Variants in FHAD1 observed in about 807,000 individuals in gnomAD.
The protein encoded by FHAD1 is forkhead-associated domain-containing protein 1.
Under a neutral mutation model 191.3 loss-of-function variants are expected in FHAD1, and 146 were observed. The ratio of observed to expected loss-of-function variants is 0.76; its 90% CI spans 0.67 to 0.88. The LOEUF (loss-of-function observed/expected upper bound fraction) is 0.88. Ranked by LOEUF, FHAD1 falls within the 40% of genes least tolerant of loss-of-function variation. The probability of loss-of-function intolerance (pLI) is 0.00; values close to 1 mark genes in which losing one functional copy is unlikely to be tolerated. For missense variants in FHAD1, 1,635 were observed against 1,785.8 expected, an observed-to-expected ratio of 0.92 and a Z score of 1.52; for synonymous variants, 616 against 672.3, an observed-to-expected ratio of 0.92 and a Z score of 1.29.
At chr1:15,361,831 C>T (rs879855517) in intron 22 of FHAD1, among the ~76,000 whole-genome samples, 3 of 152,010 alleles carry the variant, frequency 2.0e-5, no homozygotes, top group Non-Finnish European at 4.4e-5. Flanking sequence ...ATGGTGAAAC[C>T]CCGTCTCTAC....
intron 3 of FHAD1, among the ~76,000 whole-genome samples, chr1:15,277,402 G>A (rs1041804081): frequency 6.6e-6 from 1 of 152,120 alleles, no homozygotes; most frequent in Non-Finnish European, 1.5e-5. Context: ...AACTTTTGCC[G>A]GGCAGGAACA....
intron 6 of FHAD1, among the ~76,000 whole-genome samples, chr1:15,307,353 T>C (rs1368908430): frequency 6.6e-6 from 1 of 152,180 alleles, no homozygotes; most frequent in East Asian, 1.9e-4. Flanking sequence ...GATGAGACTT[T>C]GACTTTTGGG....
intron 8 of FHAD1, among the ~76,000 whole-genome samples, chr1:15,315,435 CTG>C (rs1269015365): frequency 6.6e-6 from 1 of 150,646 alleles, no homozygotes; most frequent in East Asian, 1.9e-4. Context: ...ATTCTCTTGT[CTG>C]TGCACAATGG....
Position 15,381,375 on chromosome 1 carries a change from A to T in FHAD1, c.3946A>T (p.Ile1316Phe). 6 of 1,551,786 alleles carry T rather than the reference A, an allele frequency of 3.9e-6. No individual in the cohort carries two copies. The highest frequency in any genetic ancestry group is 2.4e-5 in the East Asian group (1 of 40,916). ...QRDLDLVFDK[I>F]TQLKNQLGRK... is the part of the protein sequence containing the mutation. The stretch of plus-strand genomic sequence containing the variant: ...GGACCTCGACCTGGTGTTTGATAAG[A>T]TCACCCAACTCAAGAACCAGCTGGG... The change falls in exon 30 of 34, where the codon ATC becomes TTC. Residue 1316 changes from isoleucine (I) to phenylalanine (F), a missense_variant. By Grantham distance (21) the Ile-to-Phe change is conservative. Coordinates refer to ENST00000688493, the MANE Select transcript of FHAD1 (RefSeq NM_001391957.1). The surrounding 1 kb of genome is among the most constrained non-coding windows in gnomAD (Gnocchi z 4.6).
chr1:15,251,073 T>G (rs1646711616), intron 1 of FHAD1, among the ~76,000 whole-genome samples: 1 of 151,928 alleles, frequency 6.6e-6, no homozygotes, highest in African/African-American at 2.4e-5. Context: ...GGAGGATTAC[T>G]TGAGCTCAAG....
rs376482198 is a variant in FHAD1 at position 15,358,164 on chromosome 1, G to A, written c.2617G>A (p.Ala873Thr). 10 of 1,529,778 alleles carry A rather than the reference G, an allele frequency of 6.5e-6. No individual in the cohort carries two copies. The highest frequency in any genetic ancestry group is 3.8e-5 in the South Asian group (3 of 79,062). 94.8% of individuals were successfully genotyped at this position (1,529,778 alleles called of 1,614,324 possible). A position where few individuals can be genotyped will look rare whatever the true frequency, so the allele number is the denominator to read the frequency against. Residue 873 changes from alanine (A) to threonine (T), a missense_variant, in exon 21 of 34, where the codon GCA (alanine) becomes ACA (threonine). By Grantham distance (58) the Ala-to-Thr change is moderately conservative (BLOSUM62 0). Coordinates refer to ENST00000688493, the MANE Select transcript of FHAD1 (RefSeq NM_001391957.1). ...EDVLNNKLSD[A>T]LAMVEETQKT... ...CGTTTTAAATAATAAATTAAGTGAC[G>A]CACTGGCCATGGTTGAAGAGACTCA...
At chr1:15,260,811 C>A (rs748099148) in intron 2 of FHAD1, among the ~76,000 whole-genome samples, 4 of 152,214 alleles carry the variant, frequency 2.6e-5, no homozygotes, top group Non-Finnish European at 5.9e-5. Flanking sequence ...GTTAGATTAG[C>A]CCCCTCTGGA....
intron 10 of FHAD1, among the ~76,000 whole-genome samples, chr1:15,323,960 G>A (rs1677281366): frequency 2.0e-5 from 3 of 152,186 alleles, no homozygotes; most frequent in East Asian, 1.9e-4. Flanking sequence ...CACGATGGGC[G>A]GCAGTTCCTT....
chr1:15,310,994 A>C (rs1243232593), intron 7 of FHAD1, among the ~76,000 whole-genome samples: 1 of 152,170 alleles, frequency 6.6e-6, no homozygotes, highest in Non-Finnish European at 1.5e-5. Flanking sequence ...AAACAAACAG[A>C]AAAAAATGTC....
chr1:15,401,986 G>T (rs899209219), downstream of FHAD1, among the ~76,000 whole-genome samples: 2 of 152,232 alleles, frequency 1.3e-5, no homozygotes, highest in African/African-American at 4.8e-5. Context: ...CCTCCGTCCA[G>T]TTGGGGGAAG....
intron 2 of FHAD1, among the ~76,000 whole-genome samples, chr1:15,252,357 A>G (rs1379048150): frequency 6.6e-6 from 1 of 152,230 alleles, no homozygotes; most frequent in African/African-American, 2.4e-5. Flanking sequence ...TTTTAACTGC[A>G]TGCAGATTAA....
chr1:15,372,640 T>C (rs907904367), intron 26 of FHAD1, among the ~76,000 whole-genome samples: 1 of 152,232 alleles, frequency 6.6e-6, no homozygotes, highest in African/African-American at 2.4e-5. Flanking sequence ...AAAATAATTT[T>C]GGTTCACTTC....
chr1:15,345,967 C>T (rs189552457), intron 18 of FHAD1, among the ~76,000 whole-genome samples: 52 of 152,252 alleles, frequency 3.4e-4, no homozygotes, highest in African/African-American at 1.1e-3. Flanking sequence ...TGCCTCAGGC[C>T]GACAGAAAGT....
intron 3 of FHAD1, among the ~76,000 whole-genome samples, chr1:15,286,892 C>A (rs559605090): frequency 7.9e-5 from 12 of 152,316 alleles, no homozygotes; most frequent in African/African-American, 2.9e-4. Context: ...TACTGAATGT[C>A]CTAGCATGAA....
At chr1:15,395,234 AACCCGGGAGGC>A (rs1705530414) in intron 33 of FHAD1, among the ~76,000 whole-genome samples, 1 of 151,286 alleles carries the variant, frequency 6.6e-6, no homozygotes, top group Non-Finnish European at 1.5e-5. Flanking sequence ...GAATGGCGTG[AACCCGGGAGGC>A]GGAGGTGAGC....
intron 1 of FHAD1, among the ~76,000 whole-genome samples, chr1:15,249,540 A>C (rs1646512119): frequency 6.6e-6 from 1 of 152,220 alleles, no homozygotes; most frequent in Non-Finnish European, 1.5e-5. Flanking sequence ...CAGCAGACTT[A>C]AAAATAAAAT....
chr1:15,266,353 A>G (rs1419580717), intron 2 of FHAD1, among the ~76,000 whole-genome samples: 2 of 150,780 alleles, frequency 1.3e-5, no homozygotes, highest in African/African-American at 2.4e-5. Flanking sequence ...AAGCCTCCTG[A>G]CTTGGCCCCT....
intron 20 of FHAD1, 62 bp from the exon 21 acceptor site, chr1:15,358,048 G>A (rs1363435300): frequency 4.1e-6 from 5 of 1,218,564 alleles, no homozygotes; most frequent in South Asian, 1.6e-5. Flanking sequence ...TGGGGGATAA[G>A]GGGGCTGGGT....
At chr1:15,372,444 C>G (rs1698378160) in intron 26 of FHAD1, among the ~76,000 whole-genome samples, 1 of 152,204 alleles carries the variant, frequency 6.6e-6, no homozygotes, top group Non-Finnish European at 1.5e-5. Flanking sequence ...TCCCGGAGCA[C>G]TTATCATTCT....
Sources: gnomAD v4.1 joint callset for allele counts (sites outside exome capture counted in the v4.1 genomes callset) on GRCh38, gnomAD v4.1.1 for gene constraint, Gnocchi (gnomAD v3.1) non-coding constraint, MANE v1.5 for transcripts, NCBI Gene and HGNC (gene_info 2026-07-23, HGNC 2026-07-21) for gene names.